B4GALNT2: variants seen among roughly 807,000 people sequenced by gnomAD.
B4GALNT2 encodes the protein N-acetylneuraminylgalactosylglucosyl-glucoside beta-1,4-N- acetylgalactosaminyltransferase 2.
A neutral mutation model predicts 51.1 loss-of-function variants in B4GALNT2; 42 were observed. The observed-to-expected ratio is 0.82, with a 90% CI of 0.64 to 1.06. B4GALNT2 has a LOEUF of 1.06. Ranked by LOEUF, B4GALNT2 falls within the 50% of genes least tolerant of loss-of-function variation. B4GALNT2 has a pLI of 0.00. For missense variants in B4GALNT2, 602 were observed against 633.6 expected (o/e 0.95, Z 0.54); for synonymous variants, 253 against 251.7 (o/e 1.01, Z -0.05).
At chr17:49,130,771 C>T (rs942201239), upstream of B4GALNT2, among the ~76,000 whole-genome samples, 1 of 152,126 alleles carries the variant, frequency 6.6e-6, no homozygotes, top group Non-Finnish European at 1.5e-5. Context: ...GGTACATATG[C>T]TTTTTGCCCA....
chr17:49,145,242 A>C (rs887828864), intron 3 of B4GALNT2, among the ~76,000 whole-genome samples: 3 of 152,198 alleles, frequency 2.0e-5, no homozygotes, highest in African/African-American at 7.2e-5. Flanking sequence ...AAATAAAGAC[A>C]ATAATAAGGT....
chr17:49,125,262 C>T, the B4GALNT2 span, among the ~76,000 whole-genome samples: 24,304 of 152,090 alleles, frequency 0.16, 2,097 homozygotes, highest in South Asian at 0.26. Flanking sequence ...TGGGTTCAAG[C>T]GATTCTCCTG....
At chr17:49,164,440 C>T (rs974710050) in intron 8 of B4GALNT2, among the ~76,000 whole-genome samples, 165 bp downstream of exon 8, 2 of 151,798 alleles carry the variant, frequency 1.3e-5, no homozygotes, top group African/African-American at 4.8e-5. Context: ...TGCTGATTCA[C>T]AGAGAAATTG....
intron 4 of B4GALNT2, 114 bp from the exon 5 acceptor site, chr17:49,156,452 G>T: frequency 8.9e-7 from 1 of 1,125,080 alleles, no homozygotes; most frequent in South Asian, 1.4e-5. Context: ...GGCGGGAGGT[G>T]ACACTTGAAG....
At chr17:49,157,192 A>C (rs1453941323) in intron 5 of B4GALNT2, among the ~76,000 whole-genome samples, 1 of 151,800 alleles carries the variant, frequency 6.6e-6, no homozygotes, top group South Asian at 2.1e-4. Context: ...ACAGGGTCTC[A>C]CTCTGTCACC....
intron 3 of B4GALNT2, among the ~76,000 whole-genome samples, chr17:49,144,204 C>T (rs147575180): frequency 1.1e-3 from 175 of 152,250 alleles, no homozygotes; most frequent in Non-Finnish European, 2.1e-3. Flanking sequence ...GGGGTCCCTA[C>T]CTGATGACCT....
intron 4 of B4GALNT2, among the ~76,000 whole-genome samples, chr17:49,154,249 C>T (rs755407486): frequency 2.0e-5 from 3 of 152,076 alleles, no homozygotes; most frequent in East Asian, 3.9e-4. Context: ...GATCCACCTG[C>T]GTTGGCCTCC....
At chr17:49,130,562 C>T (rs562288827), upstream of B4GALNT2, among the ~76,000 whole-genome samples, 14 of 152,254 alleles carry the variant, frequency 9.2e-5, no homozygotes, top group Admixed American at 3.9e-4. Context: ...TGCTTGAACC[C>T]GGGAGGCAGA....
At position 49,168,666 on chromosome 17, in the gene B4GALNT2, C is replaced by G; in HGVS notation, c.1096-15C>G. ...GATCTGCACTCTAACATGGATTTCT[C>G]TGCCTGCTGGCTAGGTAGGCGGCAG... On this transcript the variant is annotated splice_polypyrimidine_tract_variant and intron_variant, in intron 9 of 10. Coordinates refer to ENST00000393354, the MANE Select transcript of B4GALNT2 (RefSeq NM_001159387.2). The G allele has an allele frequency of 3.1e-6, 5 of 1,610,424 alleles. No individual in the cohort carries two copies. The highest frequency in any genetic ancestry group is 4.2e-6 in the Non-Finnish European group (5 of 1,178,368).
At chr17:49,149,466 T>C (rs1467482784) in intron 3 of B4GALNT2, among the ~76,000 whole-genome samples, 1 of 152,004 alleles carries the variant, frequency 6.6e-6, no homozygotes, top group Non-Finnish European at 1.5e-5. Context: ...GCCAACATGG[T>C]GAAACCCCAT....
At chr17:49,124,519 A>G in the B4GALNT2 span, among the ~76,000 whole-genome samples, 1 of 152,238 alleles carries the variant, frequency 6.6e-6, no homozygotes, top group Non-Finnish European at 1.5e-5. Context: ...TACTGATAAC[A>G]TACACTAAGA....
chr17:49,166,101 A>T lies in B4GALNT2; in HGVS notation c.955-13A>T, dbSNP rs1478909776. On this transcript the variant is annotated splice_polypyrimidine_tract_variant and intron_variant, in intron 8 of 10. Coordinates refer to ENST00000393354, the MANE Select transcript of B4GALNT2 (RefSeq NM_001159387.2). Reference sequence around the variant, plus strand: ...TATGGGCAACCACTCCTTTAACCTCATTTCATCTACAGGGTTGGTTTGCTG... The same window carrying T: ...TATGGGCAACCACTCCTTTAACCTCTTTTCATCTACAGGGTTGGTTTGCTG... 2 of 1,612,762 alleles carry T rather than the reference A, an allele frequency of 1.2e-6. No individual in the cohort carries two copies. The highest frequency in any genetic ancestry group is 1.7e-6 in the Non-Finnish European group (2 of 1,179,302).
chr17:49,122,736 G>A, the B4GALNT2 span, among the ~76,000 whole-genome samples: 1 of 152,162 alleles, frequency 6.6e-6, no homozygotes, highest in Non-Finnish European at 1.5e-5. Flanking sequence ...GGAAAGGCCC[G>A]TGTGTTACTT....
At chr17:49,156,495 T>C (rs2042811545) in intron 4 of B4GALNT2, 71 bp from the exon 5 acceptor site, 4 of 1,535,358 alleles carry the variant, frequency 2.6e-6, no homozygotes, top group Non-Finnish European at 3.6e-6. Context: ...GTCCATGAGG[T>C]TGGCGAGAGC....
intron 7 of B4GALNT2, among the ~76,000 whole-genome samples, 183 bp from the exon 8 acceptor site, chr17:49,163,905 T>G (rs370143960): frequency 6.6e-6 from 1 of 152,240 alleles, no homozygotes; most frequent in East Asian, 1.9e-4. Context: ...TTGGGTATGT[T>G]GTAAATGTCT....
rs748550373 is a variant in B4GALNT2, at chr17:49,142,044, G to C, written c.225G>C (p.Pro75=). The change falls in exon 3 of 11, where the codon CCG becomes CCC. Residue 75 remains proline, a synonymous_variant. Coordinates refer to ENST00000393354, the MANE Select transcript of B4GALNT2 (RefSeq NM_001159387.2). ...CTCTTGCTTGTTTCAGGCTGTTCCC[G>C]AAAAATCAGTGCAAATGTGAAGCCA... ...LFSYDGIWLF[P]KNQCKCEANK... 8.1e-6 allele frequency: 13 copies of C among 1,613,906 alleles called. No individual in the cohort carries two copies. Among genetic ancestry groups the C allele is most frequent in the Non-Finnish European group, 1.1e-5 (13 of 1,180,028 alleles).
At chr17:49,133,174 C>T in intron 1 of B4GALNT2, 2 of 1,516,532 alleles carry the variant, frequency 1.3e-6, no homozygotes, top group Non-Finnish European at 8.8e-7. Context: ...GGCGCTGACC[C>T]AGCCTGGGGC....
intron 9 of B4GALNT2, among the ~76,000 whole-genome samples, chr17:49,167,608 C>CTTTT (rs34497598): frequency 2.6e-5 from 3 of 115,060 alleles, no homozygotes; most frequent in Non-Finnish European, 3.5e-5. Context: ...CTCACCTACT[C>CTTTT]TTTTTTTTTT....
Position 49,165,377 on chromosome 17 carries a change from ACT to A in B4GALNT2, c.955-730_955-729del, listed in dbSNP as rs765877058. 1.3e-4 allele frequency among the ~76,000 whole-genome samples: 9 copies of A among 69,308 alleles called. No homozygotes were observed. The South Asian group carries it at 1.3e-3, about 10-fold the overall frequency. The allele number at this position is 69,308 out of a possible 152,430, so 45.5% of individuals were successfully genotyped here. A position where few individuals can be genotyped will look rare whatever the true frequency, so the allele number is the denominator to read the frequency against. ...CTCTCCCCTACCTTTCTTCCTCTCC[ACT>A]CTCTCTTTCTCTCTTCTTCCCACCC... On this transcript the variant is annotated intron_variant, in intron 8 of 10. Transcript: ENST00000393354.
Sources: allele counts gnomAD v4.1 joint callset (sites outside exome capture counted in the v4.1 genomes callset), GRCh38; gene constraint gnomAD v4.1.1; transcripts MANE v1.5; gene names NCBI Gene and HGNC (gene_info 2026-07-23, HGNC 2026-07-21).